SNTB1: variants seen among roughly 807,000 people sequenced by gnomAD.
SNTB1 encodes beta-1-syntrophin.
SNTB1 carries 36 observed loss-of-function variants against 48.9 expected under a neutral mutation model. The observed-to-expected ratio is 0.74, with a 90% CI of 0.56 to 0.97. SNTB1 has a LOEUF of 0.97. Among genes scored for constraint, SNTB1 ranks in the 50% least tolerant of loss-of-function variants. The pLI is 0.00. For missense variants in SNTB1, 786 were observed against 703.4 expected, an observed-to-expected ratio of 1.12 and a Z score of -1.33; for synonymous variants, 299 against 294.6, an observed-to-expected ratio of 1.01 and a Z score of -0.15.
chr8:120,730,978 G>A lies in SNTB1; in HGVS notation c.572-37070C>T, dbSNP rs528957708. Among the ~76,000 whole-genome samples, 16 of 151,980 alleles carry A rather than the reference G, an allele frequency of 1.1e-4. No homozygotes were observed. In the East Asian group the frequency reaches 2.3e-3, roughly 22 times the overall value. On this transcript the variant is annotated intron_variant, in intron 1 of 6. Transcript: ENST00000517992. ...TCTACTAAAAATACAAAAATTAGCC[G>A]GGTGTGGTGGCAAGCACCTGTAATT...
intron 1 of SNTB1, among the ~76,000 whole-genome samples, chr8:120,772,487 T>C (rs1819654845): frequency 6.6e-6 from 1 of 152,184 alleles, no homozygotes; most frequent in Non-Finnish European, 1.5e-5. Flanking sequence ...CCTCAAGTGA[T>C]CCACCCACCT....
intron 3 of SNTB1, among the ~76,000 whole-genome samples, chr8:120,579,878 A>G (rs1461815821): frequency 6.6e-6 from 1 of 152,222 alleles, no homozygotes; most frequent in Non-Finnish European, 1.5e-5. Context: ...AAGCTGTCTT[A>G]CAGACAGTAA....
chr8:120,628,662 TAG>T (rs1563835414), intron 3 of SNTB1, among the ~76,000 whole-genome samples: 2 of 151,336 alleles, frequency 1.3e-5, no homozygotes. Context: ...GAGGCTGAGG[TAG>T]GAGAATTGCT....
chr8:120,745,386 C>T (rs1563587807), intron 1 of SNTB1, among the ~76,000 whole-genome samples: 6 of 152,020 alleles, frequency 3.9e-5, no homozygotes, highest in Admixed American at 2.0e-4. Flanking sequence ...GGACCTTGCC[C>T]GATATAGCCC....
intron 3 of SNTB1, among the ~76,000 whole-genome samples, chr8:120,602,932 T>C (rs1468708778): frequency 6.6e-6 from 1 of 152,022 alleles, no homozygotes; most frequent in African/African-American, 2.4e-5. Flanking sequence ...TTAAAAGTCA[T>C]GTTAAGATGA....
intron 1 of SNTB1, among the ~76,000 whole-genome samples, chr8:120,719,152 T>C (rs933482573): frequency 2.0e-5 from 3 of 152,134 alleles, no homozygotes; most frequent in African/African-American, 7.2e-5. Flanking sequence ...TCTGTGAGGG[T>C]GTTGCCAAAG....
intron 2 of SNTB1, among the ~76,000 whole-genome samples, chr8:120,692,344 C>T (rs758985137): frequency 9.9e-5 from 15 of 152,142 alleles, no homozygotes; most frequent in African/African-American, 1.4e-4. Flanking sequence ...ACTTTCTATT[C>T]GGGTGGGTTG....
chr8:120,785,877 A>T (rs1318680974), intron 1 of SNTB1, among the ~76,000 whole-genome samples: 1 of 152,180 alleles, frequency 6.6e-6, no homozygotes, highest in Non-Finnish European at 1.5e-5. Flanking sequence ...GGAAGGAAAA[A>T]CTTGCACAAC....
intron 1 of SNTB1, among the ~76,000 whole-genome samples, chr8:120,743,072 A>G (rs1439441354): frequency 6.6e-6 from 1 of 152,202 alleles, no homozygotes; most frequent in African/African-American, 2.4e-5. Flanking sequence ...TCTCTGGAGG[A>G]TCTTTAGAGG....
chr8:120,583,530 C>T (rs1272386697), intron 3 of SNTB1, among the ~76,000 whole-genome samples: 1 of 150,046 alleles, frequency 6.7e-6, no homozygotes, highest in Non-Finnish European at 1.5e-5. Context: ...CACACACACA[C>T]ACACACACAC....
rs1213309051 is a variant in SNTB1, at chr8:120,545,271, G to A, written c.1334-3271C>T. 3.3e-5 allele frequency among the ~76,000 whole-genome samples: 5 copies of A among 152,136 alleles called. No individual in the cohort carries two copies. In the East Asian group the frequency reaches 5.8e-4, roughly 18 times the overall value. On this transcript the variant is annotated intron_variant, in intron 5 of 6. Coordinates refer to ENST00000517992, the MANE Select transcript of SNTB1 (RefSeq NM_021021.4). Reference sequence around the variant, plus strand: ...AGGCAAGAGAATCCCTTGAACCTGGGAGGCGGAGGTTGCAGGGAGCCGAGA... The same window carrying A: ...AGGCAAGAGAATCCCTTGAACCTGGAAGGCGGAGGTTGCAGGGAGCCGAGA...
intron 3 of SNTB1, 38 bp downstream of exon 3, chr8:120,632,406 G>A (rs752441545): frequency 6.3e-7 from 1 of 1,580,574 alleles, no homozygotes; most frequent in Admixed American, 1.7e-5. Flanking sequence ...GGGAATCTCG[G>A]GGAGGACGAC....
At chr8:120,607,377 T>C (rs1176837976) in intron 3 of SNTB1, among the ~76,000 whole-genome samples, 1 of 149,442 alleles carries the variant, frequency 6.7e-6, no homozygotes, top group Admixed American at 6.6e-5. Flanking sequence ...TTAACTTTTC[T>C]TTTTTTTTCT....
chr8:120,583,514 A>AACACACACACACACAC (rs10524445), intron 3 of SNTB1, among the ~76,000 whole-genome samples: 8 of 143,074 alleles, frequency 5.6e-5, no homozygotes, highest in African/African-American at 1.9e-4. Context: ...TCCGTCTCAA[A>AACACACACACACACAC]ACACACACAC....
chr8:120,717,227 A>G (rs1017094433), intron 1 of SNTB1, among the ~76,000 whole-genome samples: 2 of 152,232 alleles, frequency 1.3e-5, no homozygotes, highest in Non-Finnish European at 2.9e-5. Flanking sequence ...GATAATGGAA[A>G]TGCAGCTTAA....
chr8:120,601,266 T>C (rs759914010), intron 3 of SNTB1, among the ~76,000 whole-genome samples: 40 of 152,086 alleles, frequency 2.6e-4, no homozygotes, highest in Non-Finnish European at 5.4e-4. Context: ...AGGGGAGGTA[T>C]GCACGCATTA....
chr8:120,783,059 G>T (rs1819856425), intron 1 of SNTB1, among the ~76,000 whole-genome samples: 1 of 152,140 alleles, frequency 6.6e-6, no homozygotes, highest in South Asian at 2.1e-4. Flanking sequence ...AACCTAAAAA[G>T]CTTCTGCAAA....
chr8:120,560,498 A>G (rs1029386114), intron 4 of SNTB1, among the ~76,000 whole-genome samples: 1 of 150,254 alleles, frequency 6.7e-6, no homozygotes. Flanking sequence ...AAATAAATAA[A>G]TAATAAATAA....
At chr8:120,676,173 T>A (rs1817829928) in intron 2 of SNTB1, among the ~76,000 whole-genome samples, 1 of 152,266 alleles carries the variant, frequency 6.6e-6, no homozygotes, top group Non-Finnish European at 1.5e-5. Context: ...TAAATTTGTT[T>A]GAAGTCTCAT....
Sources: allele counts gnomAD v4.1 joint callset (sites outside exome capture counted in the v4.1 genomes callset), GRCh38; gene constraint gnomAD v4.1.1; transcripts MANE v1.5; gene names NCBI Gene and HGNC (gene_info 2026-07-23, HGNC 2026-07-21).